BNC2: variants seen among roughly 807,000 people sequenced by gnomAD.
BNC2 encodes zinc finger protein basonuclin-2.
BNC2 carries 20 observed loss-of-function variants against 76.3 expected under a neutral mutation model. The observed-to-expected ratio is 0.26, with a 90% CI of 0.18 to 0.38. The LOEUF is 0.38. Among genes scored for constraint, BNC2 ranks in the 10% least tolerant of loss-of-function variants. BNC2 has a pLI of 1.00. For missense variants in BNC2, 1,382 were observed against 1,399.8 expected (o/e 0.99, Z 0.20); for synonymous variants, 582 against 514.8 (o/e 1.13, Z -1.77).
At chr9:16,672,678 CA>C (rs1822515238) in intron 3 of BNC2, among the ~76,000 whole-genome samples, 1 of 152,156 alleles carries the variant, frequency 6.6e-6, no homozygotes, top group Non-Finnish European at 1.5e-5. Context: ...GTAGGAACAA[CA>C]AACTCCAGCC....
At chr9:16,792,658 G>A (rs1033692869) in intron 1 of BNC2, among the ~76,000 whole-genome samples, 6 of 152,130 alleles carry the variant, frequency 3.9e-5, no homozygotes, top group African/African-American at 4.8e-5. Flanking sequence ...CCAGCGGGGG[G>A]AACCAACTAA....
chr9:16,847,833 A>T (rs574323122), intron 1 of BNC2, among the ~76,000 whole-genome samples: 2 of 152,380 alleles, frequency 1.3e-5, no homozygotes, highest in South Asian at 4.1e-4. Context: ...GTAGATGTGT[A>T]AACAGTTGAT....
intron 5 of BNC2, among the ~76,000 whole-genome samples, chr9:16,437,988 T>C (rs1821054072): frequency 6.6e-6 from 1 of 152,206 alleles, no homozygotes; most frequent in African/African-American, 2.4e-5. Context: ...TTCTTCAACA[T>C]AAGCAGACAT....
intron 4 of BNC2, among the ~76,000 whole-genome samples, chr9:16,567,580 G>A (rs1222450468): frequency 7.2e-5 from 11 of 152,044 alleles, no homozygotes; most frequent in Non-Finnish European, 1.2e-4. Flanking sequence ...TTTCTGTGAA[G>A]GTCACAGAAA....
At chr9:16,820,805 G>GAA (rs753728302) in intron 1 of BNC2, among the ~76,000 whole-genome samples, 2 of 137,118 alleles carry the variant, frequency 1.5e-5, no homozygotes, top group East Asian at 2.1e-4. Flanking sequence ...TGTATAAAGG[G>GAA]AAAAAAAAAA....
intron 5 of BNC2, among the ~76,000 whole-genome samples, chr9:16,496,568 A>T (rs1308776573): frequency 6.6e-6 from 1 of 152,258 alleles, no homozygotes; most frequent in Non-Finnish European, 1.5e-5. Context: ...TTCATGCCTA[A>T]GAACAGACAT....
At chr9:16,424,972 G>C (rs1404463028) in intron 6 of BNC2, among the ~76,000 whole-genome samples, 2 of 152,062 alleles carry the variant, frequency 1.3e-5, no homozygotes, top group African/African-American at 4.8e-5. Flanking sequence ...TGTTCTACAG[G>C]TTATTATTTA....
At chr9:16,829,061 C>A (rs1235886871) in intron 1 of BNC2, among the ~76,000 whole-genome samples, 1 of 152,076 alleles carries the variant, frequency 6.6e-6, no homozygotes, top group Admixed American at 6.5e-5. Context: ...ACCAGGGGAC[C>A]TGGGGCCTGG....
chr9:16,480,135 T>G (rs1272749039), intron 5 of BNC2, among the ~76,000 whole-genome samples: 2 of 152,188 alleles, frequency 1.3e-5, no homozygotes, highest in African/African-American at 4.8e-5. Context: ...TATTATCATC[T>G]CCATTTTAAA....
chr9:16,661,449 T>C (rs1489814232), intron 3 of BNC2, among the ~76,000 whole-genome samples: 1 of 151,582 alleles, frequency 6.6e-6, no homozygotes, highest in Non-Finnish European at 1.5e-5. Flanking sequence ...TATAGCTGTA[T>C]GTTAGTTCCC....
At chr9:16,699,659 C>A (rs1823449853) in intron 3 of BNC2, among the ~76,000 whole-genome samples, 1 of 152,226 alleles carries the variant, frequency 6.6e-6, no homozygotes, top group South Asian at 2.1e-4. Context: ...ATTGGTCTAA[C>A]TAACCCTCTC....
chr9:16,857,057 C>A (rs924069466), intron 1 of BNC2, among the ~76,000 whole-genome samples: 47 of 152,070 alleles, frequency 3.1e-4, no homozygotes, highest in African/African-American at 1.0e-3. Context: ...CAAAATACAT[C>A]ATAAAAAATA....
intron 3 of BNC2, among the ~76,000 whole-genome samples, chr9:16,660,160 T>A (rs1451368611): frequency 6.6e-6 from 1 of 152,126 alleles, no homozygotes; most frequent in Non-Finnish European, 1.5e-5. Flanking sequence ...CCTTGAAAAT[T>A]ACACATCTTT....
At chr9:16,781,589 C>G (rs1217620906) in intron 1 of BNC2, among the ~76,000 whole-genome samples, 1 of 152,144 alleles carries the variant, frequency 6.6e-6, no homozygotes, top group South Asian at 2.1e-4. Context: ...GCAATCTGCC[C>G]GCCCTGGCCT....
chr9:16,742,698 T>A (rs543168433), intron 1 of BNC2, among the ~76,000 whole-genome samples: 1 of 152,278 alleles, frequency 6.6e-6, no homozygotes, highest in Non-Finnish European at 1.5e-5. Flanking sequence ...TTGTCAACAG[T>A]GCATTATAAA....
intron 5 of BNC2, among the ~76,000 whole-genome samples, chr9:16,530,500 T>C (rs55881460): frequency 0.042 from 6,437 of 152,232 alleles, 508 homozygotes; most frequent in African/African-American, 0.15. Context: ...AAGGCTTTTC[T>C]CTGTCTAGGA....
At chr9:16,705,650 G>T (rs1028454604) in intron 3 of BNC2, among the ~76,000 whole-genome samples, 1 of 114,918 alleles carries the variant, frequency 8.7e-6, no homozygotes, top group Non-Finnish European at 2.2e-5. Context: ...TGATAGTGTG[G>T]CTTGGGTTTT....
intron 3 of BNC2, among the ~76,000 whole-genome samples, chr9:16,597,208 T>C (rs968578658): frequency 5.3e-5 from 8 of 152,170 alleles, no homozygotes; most frequent in African/African-American, 9.6e-5. Context: ...GCTACAGCCA[T>C]GTACTATTGT....
intron 1 of BNC2, among the ~76,000 whole-genome samples, chr9:16,748,871 G>A (rs1554722046): frequency 1.4e-5 from 2 of 139,146 alleles, no homozygotes; most frequent in South Asian, 4.4e-4. Flanking sequence ...AAAAGCAATG[G>A]ACCATTTGTT....
Sources: allele counts gnomAD v4.1 joint callset (sites outside exome capture counted in the v4.1 genomes callset), GRCh38; gene constraint gnomAD v4.1.1; transcripts MANE v1.5; gene names NCBI Gene and HGNC (gene_info 2026-07-23, HGNC 2026-07-21).